The following CHST9 variants were observed in gnomAD, a reference collection of about 807,000 sequenced individuals.
CHST9 encodes the protein carbohydrate sulfotransferase 9.
In CHST9, 41 loss-of-function variants were observed where a neutral mutation model predicts 44.4. That is an observed-to-expected ratio of 0.92 (90% CI 0.72 to 1.20). The LOEUF (loss-of-function observed/expected upper bound fraction) is 1.20. Among genes scored for constraint, CHST9 ranks in the 50% most tolerant of loss-of-function variants. CHST9 has a pLI of 0.00. For missense variants in CHST9, 504 were observed against 516.5 expected (o/e 0.98, Z 0.23); for synonymous variants, 171 against 178.4 (o/e 0.96, Z 0.33).
chr18:27,055,791 G>A (rs2143593043), intron 2 of CHST9, among the ~76,000 whole-genome samples: 1 of 152,258 alleles, frequency 6.6e-6, no homozygotes, highest in African/African-American at 2.4e-5. Flanking sequence ...GAAATAGCAT[G>A]ATATAACAAA....
At chr18:27,123,357 A>G (rs1434266563) in intron 2 of CHST9, among the ~76,000 whole-genome samples, 1 of 152,118 alleles carries the variant, frequency 6.6e-6, no homozygotes, top group Non-Finnish European at 1.5e-5. Flanking sequence ...ATACCCCCCA[A>G]ATCTGATTAT....
intron 1 of CHST9, among the ~76,000 whole-genome samples, chr18:27,173,352 ACACTGAAACTG>A (rs1005239815): frequency 1.1e-4 from 16 of 152,072 alleles, no homozygotes; most frequent in Non-Finnish European, 1.2e-4. Context: ...GATCTATTCT[ACACTGAAACTG>A]CATTCTGCTA....
intron 1 of CHST9, among the ~76,000 whole-genome samples, chr18:27,175,036 T>C (rs2058857923): frequency 6.6e-6 from 1 of 152,104 alleles, no homozygotes; most frequent in South Asian, 2.1e-4. Context: ...AATGTTAGCA[T>C]AGTATCTAAA....
chr18:27,111,894 A>G (rs1362329022), intron 2 of CHST9, among the ~76,000 whole-genome samples: 1 of 151,136 alleles, frequency 6.6e-6, no homozygotes, highest in Non-Finnish European at 1.5e-5. Flanking sequence ...TGAGGTCTTC[A>G]GACTTGGACT....
intron 2 of CHST9, among the ~76,000 whole-genome samples, chr18:27,101,363 G>T (rs1197532028): frequency 6.6e-6 from 1 of 151,998 alleles, no homozygotes; most frequent in Non-Finnish European, 1.5e-5. Context: ...AGGCCGAGGC[G>T]GGTGGATCAC....
chr18:27,002,499 T>G (rs756536063), intron 4 of CHST9, among the ~76,000 whole-genome samples: 1 of 152,228 alleles, frequency 6.6e-6, no homozygotes, highest in African/African-American at 2.4e-5. Flanking sequence ...TGAGTACTCA[T>G]GTAACCATTC....
At chr18:26,949,517 TAAAC>T (rs966902041) in intron 4 of CHST9, among the ~76,000 whole-genome samples, 4 of 149,906 alleles carry the variant, frequency 2.7e-5, no homozygotes, top group African/African-American at 7.4e-5. Flanking sequence ...TGTCTGAAAA[TAAAC>T]AAACAAACAA....
At chr18:27,063,972 A>G (rs2057754176) in intron 2 of CHST9, among the ~76,000 whole-genome samples, 2 of 152,122 alleles carry the variant, frequency 1.3e-5, no homozygotes, top group South Asian at 2.1e-4. Context: ...GCCAATCCCA[A>G]ATGTGCACAA....
rs112422057 is a variant in CHST9, at chr18:27,164,397, T to C, written c.-97+20739A>G. On this transcript the variant is annotated intron_variant, in intron 1 of 5. Transcript: ENST00000618847. ...ATATGAGTTGGAAGATAAGTTAAGG[T>C]GATTCTTAGAAAGTAAACAAAAAGA... is the stretch of plus-strand genomic sequence containing the variant. 8.0e-3 allele frequency among the ~76,000 whole-genome samples: 1,183 copies of C among 147,530 alleles called. 18 individuals carry two copies. The highest frequency in any genetic ancestry group is 0.028 in the African/African-American group (1,124 of 40,268).
At chr18:27,131,271 C>G (rs769274485) in intron 2 of CHST9, among the ~76,000 whole-genome samples, 1 of 152,072 alleles carries the variant, frequency 6.6e-6, no homozygotes, top group Non-Finnish European at 1.5e-5. Context: ...AGTTCCTGGC[C>G]AAGCGTGGTG....
At chr18:27,082,674 G>C (rs946844648) in intron 2 of CHST9, among the ~76,000 whole-genome samples, 1 of 152,176 alleles carries the variant, frequency 6.6e-6, no homozygotes, top group African/African-American at 2.4e-5. Context: ...CTCACAGTTG[G>C]TTTCCACTGT....
chr18:27,040,195 A>G (rs2057430203), intron 3 of CHST9, among the ~76,000 whole-genome samples: 1 of 152,192 alleles, frequency 6.6e-6, no homozygotes, highest in Admixed American at 6.6e-5. Context: ...TGTAATTTAT[A>G]TATATGGCTT....
intron 1 of CHST9, among the ~76,000 whole-genome samples, chr18:27,181,312 A>G (rs1384869214): frequency 6.6e-6 from 1 of 152,186 alleles, no homozygotes; most frequent in Non-Finnish European, 1.5e-5. Context: ...CTCATCTACA[A>G]CCCATTTTGC....
In CHST9 at chr18:26,988,637, TAGAC is replaced by T. The variant is rs549412475; in HGVS notation, c.202+35475_202+35478del. On this transcript the variant is annotated intron_variant, in intron 4 of 5. Coordinates refer to ENST00000618847, the MANE Select transcript of CHST9 (RefSeq NM_031422.6). ...ACCTCTCTTCCAATAAAGAATAGAA[TAGAC>T]AGATACTCATCAAGGCTATAATAGA... is the stretch of plus-strand genomic sequence containing the variant. Among the ~76,000 whole-genome samples, 4 of 152,238 alleles carry T rather than the reference TAGAC, an allele frequency of 2.6e-5. 1 individual carries two copies. The East Asian group carries it at 7.7e-4, about 29-fold the overall frequency.
At chr18:27,017,104 A>G (rs944663139) in intron 4 of CHST9, among the ~76,000 whole-genome samples, 1 of 152,216 alleles carries the variant, frequency 6.6e-6, no homozygotes, top group Non-Finnish European at 1.5e-5. Flanking sequence ...TTTTCAAAAC[A>G]CTCAAATTTC....
At chr18:27,145,224 C>A (rs1331358265) in intron 1 of CHST9, among the ~76,000 whole-genome samples, 1 of 152,124 alleles carries the variant, frequency 6.6e-6, no homozygotes, top group Non-Finnish European at 1.5e-5. Flanking sequence ...TGGAGTTTCA[C>A]TCTGTCGCCC....
chr18:27,130,868 C>A (rs905636438), intron 2 of CHST9, among the ~76,000 whole-genome samples: 8 of 152,068 alleles, frequency 5.3e-5, no homozygotes, highest in African/African-American at 1.9e-4. Context: ...CAGATAGATA[C>A]CTTTCACATA....
At chr18:26,930,961 G>C (rs1352674888) in intron 5 of CHST9, 1 of 152,044 alleles carries the variant, frequency 6.6e-6, no homozygotes, top group Non-Finnish European at 1.5e-5. Context: ...GGGGAGGAGA[G>C]GGGAGCTGTT....
intron 2 of CHST9, among the ~76,000 whole-genome samples, chr18:27,125,435 G>A (rs1044792036): frequency 6.6e-6 from 1 of 152,112 alleles, no homozygotes; most frequent in Non-Finnish European, 1.5e-5. Flanking sequence ...GTACTTTTAG[G>A]CATTTTCTAC....
Sources: allele counts gnomAD v4.1 joint callset (sites outside exome capture counted in the v4.1 genomes callset), GRCh38; gene constraint gnomAD v4.1.1; transcripts MANE v1.5; gene names NCBI Gene and HGNC (gene_info 2026-07-23, HGNC 2026-07-21).